Variants in ABLIM2 observed in about 807,000 individuals in gnomAD.
ABLIM2 encodes actin binding LIM protein family member 2, also known as actin-binding LIM protein 2.
A neutral mutation model predicts 97.7 loss-of-function variants in ABLIM2; 53 were observed. The ratio of observed to expected loss-of-function variants is 0.54; its 90% CI spans 0.44 to 0.68. The LOEUF is 0.68. Among genes scored for constraint, ABLIM2 ranks in the 30% least tolerant of loss-of-function variants. The pLI is 0.00. For synonymous variants in ABLIM2, 361 were observed against 345.8 expected (o/e 1.04, Z -0.49); for missense variants, 835 against 867.2 (o/e 0.96, Z 0.47).
In ABLIM2 at chr4:8,147,684, G is replaced by A. The variant is rs1852045605; in HGVS notation, c.10+10996C>T. ...GAATCTGGCAGCCACCAAAGCTGCAGGGGTGAGGACTGAGCCTCCCCTGAG... is the reference window on the plus strand; with the variant it reads ...GAATCTGGCAGCCACCAAAGCTGCAAGGGTGAGGACTGAGCCTCCCCTGAG... On this transcript the variant is annotated intron_variant, in intron 1 of 20. Coordinates refer to ENST00000447017, the MANE Select transcript of ABLIM2 (RefSeq NM_001130083.2). This position sits in a 1 kb window ranked among gnomAD's most constrained non-coding sequence, Gnocchi z 5.3. Among the ~76,000 whole-genome samples the A allele has an allele frequency of 1.3e-5, 2 of 152,226 alleles. No individual in the cohort carries two copies. Among genetic ancestry groups the A allele is most frequent in the East Asian group, 1.9e-4 (1 of 5,196 alleles).
chr4:8,043,337 C>T lies in ABLIM2; in HGVS notation c.900+1827G>A, dbSNP rs13109801. On this transcript the variant is annotated intron_variant, in intron 9 of 20. Transcript: ENST00000447017. This position sits in a 1 kb window ranked among gnomAD's most constrained non-coding sequence, Gnocchi z 4.8. ...TGAGGAAACAGACCATACCTTTGTG[C>T]GCCTACACAAACATGATCTCATTCA... is the stretch of plus-strand genomic sequence containing the variant. Among the ~76,000 whole-genome samples, 29,735 of 152,108 alleles carry T rather than the reference C, an allele frequency of 0.2. 3,370 individuals carry two copies. Among genetic ancestry groups the T allele is most frequent in the Non-Finnish European group, 0.27 (18,183 of 67,966 alleles).
intron 16 of ABLIM2, among the ~76,000 whole-genome samples, chr4:7,993,452 G>A (rs1750585162): frequency 6.6e-6 from 1 of 152,220 alleles, no homozygotes; most frequent in Non-Finnish European, 1.5e-5. Context: ...GGGAGGCCAA[G>A]GTGGGAAAAT....
intron 6 of ABLIM2, among the ~76,000 whole-genome samples, chr4:8,073,328 CTT>C (rs781289214): frequency 3.3e-5 from 5 of 150,548 alleles, no homozygotes; most frequent in Admixed American, 6.6e-5. Context: ...GCTGCCAACT[CTT>C]TGTCAAGCAG....
chr4:8,051,447 C>T (rs73074035), intron 8 of ABLIM2, among the ~76,000 whole-genome samples: 8,109 of 150,504 alleles, frequency 0.054, 542 homozygotes, highest in African/African-American at 0.16. Context: ...GTCCCAGCTA[C>T]TTGGGAGGCT....
At chr4:8,077,511 G>A (rs1373317934) in intron 6 of ABLIM2, 117 bp downstream of exon 6, 1 of 1,029,766 alleles carries the variant, frequency 9.7e-7, no homozygotes, top group Non-Finnish European at 1.4e-6. Context: ...GAATAGGGAG[G>A]TGAAGCTGCA....
Position 8,097,101 on chromosome 4 carries a change from G to C in ABLIM2, c.336C>G (p.Cys112Trp). The change falls in exon 3 of 21, where the codon TGC becomes TGG. Residue 112 changes from cysteine (C) to tryptophan (W), a missense_variant and splice_region_variant. Transcript: ENST00000447017. ...YHPDCFVCAV[C>W]RLPFPPGDRV... The stretch of plus-strand genomic sequence containing the variant: ...AGGCCAGGTGCCCACTTACTCACCG[G>C]CAGACGGCACACACGAAGCAGTCGG... 1 of 1,603,238 alleles carries C rather than the reference G, an allele frequency of 6.2e-7. No individual in the cohort carries two copies. Among genetic ancestry groups the C allele is most frequent in the Non-Finnish European group, 8.5e-7 (1 of 1,173,822 alleles).
intron 3 of ABLIM2, among the ~76,000 whole-genome samples, chr4:8,092,312 C>G (rs1007473640): frequency 1.3e-5 from 2 of 151,952 alleles, no homozygotes; most frequent in African/African-American, 2.4e-5. Context: ...TGTATATGTT[C>G]TTTAGTGAAG....
intron 10 of ABLIM2, among the ~76,000 whole-genome samples, chr4:8,034,452 GTGGT>G (rs1268919949): frequency 7.1e-6 from 1 of 141,722 alleles, no homozygotes; most frequent in Non-Finnish European, 1.5e-5. Context: ...GGGAGGGTGT[GTGGT>G]AGGTAGGTGC....
At chr4:8,129,396 G>A (rs142167701) in intron 1 of ABLIM2, among the ~76,000 whole-genome samples, 2,047 of 152,284 alleles carry the variant, frequency 0.013, 23 homozygotes, top group Non-Finnish European at 0.022. Flanking sequence ...CTGCGCGCCC[G>A]AAACACGGCC....
In ABLIM2 at chr4:8,147,542, T is replaced by C. The variant is rs1852020537; in HGVS notation, c.10+11138A>G. Among the ~76,000 whole-genome samples, 1 of 152,078 alleles carries C rather than the reference T, an allele frequency of 6.6e-6. No individual in the cohort carries two copies. Among genetic ancestry groups the C allele is most frequent in the Admixed American group, 6.5e-5 (1 of 15,272 alleles). ...CTCTGAGTGCAATCTCAAGAGTCCTTATGGGGAGGAGGGAGCGGGAGACGA... is the reference window on the plus strand; with the variant it reads ...CTCTGAGTGCAATCTCAAGAGTCCTCATGGGGAGGAGGGAGCGGGAGACGA... On this transcript the variant is annotated intron_variant, in intron 1 of 20. Coordinates refer to ENST00000447017, the MANE Select transcript of ABLIM2 (RefSeq NM_001130083.2). The surrounding 1 kb of genome is among the most constrained non-coding windows in gnomAD (Gnocchi z 5.3).
chr4:8,030,738 A>G (rs1780443725), intron 10 of ABLIM2, among the ~76,000 whole-genome samples: 1 of 152,216 alleles, frequency 6.6e-6, no homozygotes, highest in African/African-American at 2.4e-5. Context: ...TCCTCTGCAC[A>G]GCCCTGTCCA....
At chr4:8,018,057 G>A (rs1578776148) in intron 14 of ABLIM2, among the ~76,000 whole-genome samples, 1 of 151,892 alleles carries the variant, frequency 6.6e-6, no homozygotes, top group East Asian at 1.9e-4. Context: ...TCCACTGGAT[G>A]GTTCAGGTAA....
At chr4:8,158,251 G>A (rs533530734) in intron 1 of ABLIM2, among the ~76,000 whole-genome samples, 22 of 152,344 alleles carry the variant, frequency 1.4e-4, no homozygotes, top group African/African-American at 5.3e-4. Context: ...GCGGCGCAAG[G>A]GCGGCGCCCC....
intron 1 of ABLIM2, among the ~76,000 whole-genome samples, chr4:8,109,333 C>G (rs1375173636): frequency 6.6e-6 from 1 of 152,266 alleles, no homozygotes; most frequent in Non-Finnish European, 1.5e-5. Flanking sequence ...CAGAAAACAC[C>G]TGCCCCCCTT....
chr4:8,008,534 A>G (rs1039276492), intron 15 of ABLIM2, among the ~76,000 whole-genome samples: 1 of 152,208 alleles, frequency 6.6e-6, no homozygotes, highest in Non-Finnish European at 1.5e-5. Context: ...GGCTCTCCCT[A>G]TGCACAGCCC....
At position 8,113,767 on chromosome 4, in the gene ABLIM2, T is replaced by C. The variant is rs1032589921; in HGVS notation, c.11-7130A>G. On this transcript the variant is annotated intron_variant, in intron 1 of 20. Coordinates refer to ENST00000447017, the MANE Select transcript of ABLIM2 (RefSeq NM_001130083.2). The surrounding 1 kb of genome is among the most constrained non-coding windows in gnomAD (Gnocchi z 4.5). ...ATGTCCTAAGGATGTTCTAATAATA[T>C]TCAGTTTTCTAAGCCTACACACGCA... is the stretch of plus-strand genomic sequence containing the variant. Among the ~76,000 whole-genome samples, 1 of 152,162 alleles carries C rather than the reference T, an allele frequency of 6.6e-6. No homozygotes were observed. The highest frequency in any genetic ancestry group is 1.5e-5 in the Non-Finnish European group (1 of 68,024).
At chr4:8,157,741 A>C (rs1047551698) in intron 1 of ABLIM2, among the ~76,000 whole-genome samples, 11 of 152,374 alleles carry the variant, frequency 7.2e-5, no homozygotes, top group African/African-American at 2.2e-4. Context: ...GGCTTAGAGG[A>C]AAGAGCACAA....
intron 8 of ABLIM2, among the ~76,000 whole-genome samples, 177 bp from the exon 9 acceptor site, chr4:8,045,418 A>T (rs1470588596): frequency 1.3e-5 from 2 of 152,220 alleles, no homozygotes; most frequent in African/African-American, 4.8e-5. Flanking sequence ...TGGGAGGCTG[A>T]GGTGGGCGGA....
At chr4:8,052,408 A>C (rs183487243) in intron 8 of ABLIM2, among the ~76,000 whole-genome samples, 2 of 152,356 alleles carry the variant, frequency 1.3e-5, no homozygotes, top group East Asian at 3.9e-4. Context: ...AGCTTGTAGA[A>C]TGAATCATGG....
Sources: gnomAD v4.1 joint callset for allele counts (sites outside exome capture counted in the v4.1 genomes callset) on GRCh38, gnomAD v4.1.1 for gene constraint, Gnocchi (gnomAD v3.1) non-coding constraint, MANE v1.5 for transcripts, NCBI Gene and HGNC (gene_info 2026-07-23, HGNC 2026-07-21) for gene names.